ASTN2: variants seen among roughly 807,000 people sequenced by gnomAD.
ASTN2 encodes astrotactin-2.
A neutral mutation model predicts 139.8 loss-of-function variants in ASTN2; 54 were observed. That is an observed-to-expected ratio of 0.39 (90% CI 0.31 to 0.48). The LOEUF is 0.48. Among genes scored for constraint, ASTN2 ranks in the 20% least tolerant of loss-of-function variants. ASTN2 has a pLI of 0.95. For missense variants in ASTN2, 1,565 were observed against 1,725.1 expected (o/e 0.91, Z 1.64); for synonymous variants, 756 against 719.5 (o/e 1.05, Z -0.81).
At chr9:117,404,853 G>A (rs1564187521) in intron 1 of ASTN2, among the ~76,000 whole-genome samples, 1 of 151,590 alleles carries the variant, frequency 6.6e-6, no homozygotes, top group Non-Finnish European at 1.5e-5. Context: ...AGAAAAGGGG[G>A]AAAAAAAAGA....
intron 2 of ASTN2, among the ~76,000 whole-genome samples, chr9:117,239,509 AAAG>A (rs1426062341): frequency 6.6e-6 from 1 of 152,208 alleles, no homozygotes; most frequent in Non-Finnish European, 1.5e-5. Flanking sequence ...CCATTGGAGA[AAAG>A]AAGCTGTTGG....
intron 7 of ASTN2, among the ~76,000 whole-genome samples, chr9:116,980,494 C>A (rs762894072): frequency 1.3e-5 from 2 of 152,090 alleles, no homozygotes; most frequent in Non-Finnish European, 2.9e-5. Flanking sequence ...TAACTCCTTA[C>A]ATATTAGACA....
intron 4 of ASTN2, among the ~76,000 whole-genome samples, chr9:117,100,958 C>T (rs941092322): frequency 1.3e-5 from 2 of 152,146 alleles, no homozygotes; most frequent in African/African-American, 4.8e-5. Context: ...TAGCATATGG[C>T]CTTGGACAGG....
Position 117,225,529 on chromosome 9 carries a change from C to CTGTATGTA in ASTN2, c.631-10795_631-10788dup, listed in dbSNP as rs3041188. Reference sequence around the variant, plus strand: ...GGAGTTCAAGACCAGCCTGGCCAAGCTGTATGTATATATATATATATATAT... The same window carrying CTGTATGTA: ...GGAGTTCAAGACCAGCCTGGCCAAGCTGTATGTATGTATGTATATATATATATATATAT... On this transcript the variant is annotated intron_variant, in intron 2 of 22. Coordinates refer to ENST00000313400, the MANE Select transcript of ASTN2 (RefSeq NM_001365068.1). Among the ~76,000 whole-genome samples, 67 of 65,628 alleles carry CTGTATGTA rather than the reference C, an allele frequency of 1.0e-3. 1 individual carries two copies. Among genetic ancestry groups the CTGTATGTA allele is most frequent in the South Asian group, 4.7e-3 (6 of 1,290 alleles). The allele number at this position is 65,628 out of a possible 152,430, so 43.1% of individuals were successfully genotyped here. A position where few individuals can be genotyped will look rare whatever the true frequency, so the allele number is the denominator to read the frequency against.
intron 1 of ASTN2, among the ~76,000 whole-genome samples, chr9:117,398,076 TTATGTA>T (rs1428900220): frequency 6.6e-6 from 1 of 152,094 alleles, no homozygotes; most frequent in African/African-American, 2.4e-5. Context: ...CTGTTACATA[TTATGTA>T]TATGTGTGTG....
At chr9:116,650,466 A>G (rs1169113823) in intron 17 of ASTN2, among the ~76,000 whole-genome samples, 1 of 152,226 alleles carries the variant, frequency 6.6e-6, no homozygotes, top group Non-Finnish European at 1.5e-5. Flanking sequence ...AAATCACTTA[A>G]TATCTTTGAG....
At chr9:116,642,228 T>C (rs1470638638) in intron 17 of ASTN2, among the ~76,000 whole-genome samples, 1 of 151,784 alleles carries the variant, frequency 6.6e-6, no homozygotes, top group Non-Finnish European at 1.5e-5. Context: ...TTAAGTGATT[T>C]TGATCCACTG....
rs536324033 is a variant in ASTN2 at position 116,879,965 on chromosome 9, T to A, written c.1890-16232A>T. On this transcript the variant is annotated intron_variant, in intron 10 of 22. Transcript: ENST00000313400. ...GAAAAGGCATTCTAAAATAAACCAT[T>A]TATCAAAATGTATTTAAAAATCAAT... 4.5e-4 allele frequency among the ~76,000 whole-genome samples: 69 copies of A among 152,276 alleles called. 2 individuals carry two copies. The highest frequency in any genetic ancestry group is 4.3e-3 in the Admixed American group (66 of 15,294).
intron 5 of ASTN2, among the ~76,000 whole-genome samples, chr9:117,049,927 A>C (rs1838866988): frequency 6.6e-6 from 1 of 151,706 alleles, no homozygotes; most frequent in African/African-American, 2.4e-5. Flanking sequence ...AGAGAAGATA[A>C]TTCAAAGATC....
intron 3 of ASTN2, among the ~76,000 whole-genome samples, chr9:117,174,104 T>C (rs1830858733): frequency 6.7e-6 from 1 of 149,630 alleles, no homozygotes; most frequent in African/African-American, 2.5e-5. Context: ...ACTTGGGATA[T>C]GTATAGCTAG....
At chr9:116,983,670 C>T (rs1275337687) in intron 7 of ASTN2, among the ~76,000 whole-genome samples, 1 of 152,176 alleles carries the variant, frequency 6.6e-6, no homozygotes, top group Non-Finnish European at 1.5e-5. Flanking sequence ...CTTTCCTTCC[C>T]TTTGTCTTCA....
chr9:116,685,049 G>A (rs553005895), intron 16 of ASTN2, among the ~76,000 whole-genome samples: 1 of 152,212 alleles, frequency 6.6e-6, no homozygotes, highest in African/African-American at 2.4e-5. Context: ...TTAGCCACAA[G>A]ATTAGAAATT....
Position 116,698,650 on chromosome 9 carries a change from T to C in ASTN2, c.2806+27121A>G. The C allele has an allele frequency of 6.2e-7, 1 of 1,614,138 alleles. No homozygotes were observed. The highest frequency in any genetic ancestry group is 1.1e-5 in the South Asian group (1 of 91,088). On this transcript the variant is annotated intron_variant, in intron 16 of 22. Transcript: ENST00000313400. This position sits in a 1 kb window ranked among gnomAD's most constrained non-coding sequence, Gnocchi z 4.4. ...GTTAAGAAGCCCCGGACAGTTAACG[T>C]GGAAGATTCCTGGGCCATGGAGGCC...
intron 20 of ASTN2, among the ~76,000 whole-genome samples, chr9:116,446,272 T>TAGAGAG (rs3040241): frequency 0.051 from 6,047 of 118,564 alleles, 190 homozygotes; most frequent in Admixed American, 0.083. Flanking sequence ...GAGAGAGAGA[T>TAGAGAG]AGAGAGAGAG....
chr9:117,393,744 G>A (rs904764472), intron 1 of ASTN2, among the ~76,000 whole-genome samples: 1 of 152,130 alleles, frequency 6.6e-6, no homozygotes, highest in African/African-American at 2.4e-5. Context: ...GCCTAGGAAT[G>A]GGCAGGCTCT....
chr9:117,073,920 G>T (rs908356793), intron 5 of ASTN2, among the ~76,000 whole-genome samples: 2 of 152,156 alleles, frequency 1.3e-5, no homozygotes, highest in Non-Finnish European at 2.9e-5. Flanking sequence ...CAGAGAAAAT[G>T]GACTCGAGTC....
intron 20 of ASTN2, among the ~76,000 whole-genome samples, chr9:116,477,030 C>T (rs1428090472): frequency 6.6e-6 from 1 of 152,120 alleles, no homozygotes; most frequent in East Asian, 1.9e-4. Flanking sequence ...GCAGCCTCAG[C>T]TCCCACCCCC....
intron 2 of ASTN2, among the ~76,000 whole-genome samples, chr9:117,281,391 A>C (rs1834320488): frequency 6.6e-6 from 1 of 152,196 alleles, no homozygotes; most frequent in Non-Finnish European, 1.5e-5. Context: ...TTCCCACCAA[A>C]TCAAGCTATG....
At chr9:116,982,580 T>G (rs1272111421) in intron 7 of ASTN2, among the ~76,000 whole-genome samples, 1 of 152,122 alleles carries the variant, frequency 6.6e-6, no homozygotes, top group Non-Finnish European at 1.5e-5. Context: ...TTATTATTTT[T>G]TTAGAGACAG....
Sources: allele counts gnomAD v4.1 joint callset (sites outside exome capture counted in the v4.1 genomes callset), GRCh38; gene constraint gnomAD v4.1.1; non-coding constraint Gnocchi (gnomAD v3.1); transcripts MANE v1.5; gene names NCBI Gene and HGNC (gene_info 2026-07-23, HGNC 2026-07-21).